The following KIRREL3 variants were observed in gnomAD, a reference collection of about 807,000 sequenced individuals.
KIRREL3 encodes kirre like nephrin family adhesion molecule 3.
In KIRREL3, 36 loss-of-function variants were observed where a neutral mutation model predicts 89.7. That is an observed-to-expected ratio of 0.40 (90% CI 0.31 to 0.53). The LOEUF is 0.53. KIRREL3 is among the 20% of genes least tolerant of loss of function. The pLI is 0.49. For missense variants in KIRREL3, 864 were observed against 1,056.6 expected (o/e 0.82, Z 2.53); for synonymous variants, 445 against 441.4 (o/e 1.01, Z -0.10).
In KIRREL3 at chr11:126,463,315, G is replaced by C. The variant is rs777318620; in HGVS notation, c.592-8C>G. 2.5e-6 allele frequency: 4 copies of C among 1,610,870 alleles called. No homozygotes were observed. On this transcript the variant is annotated splice_region_variant and splice_polypyrimidine_tract_variant and intron_variant, in intron 5 of 16. Coordinates refer to ENST00000525144, the MANE Select transcript of KIRREL3 (RefSeq NM_032531.4). This position sits in a 1 kb window ranked among gnomAD's most constrained non-coding sequence, Gnocchi z 5.9. ...GCCGTCCCGAAGCAGGGTCTTGGGAGAAAGGGAAAGGGGAGAGAAAGCTCC... is the reference window on the plus strand; with the variant it reads ...GCCGTCCCGAAGCAGGGTCTTGGGACAAAGGGAAAGGGGAGAGAAAGCTCC...
chr11:126,804,254 T>G (rs1056055369), intron 1 of KIRREL3, among the ~76,000 whole-genome samples: 1 of 152,214 alleles, frequency 6.6e-6, no homozygotes, highest in African/African-American at 2.4e-5. Flanking sequence ...GTGTGTGATT[T>G]CTCAACTTGC....
At position 126,830,318 on chromosome 11, in the gene KIRREL3, C is replaced by A. The variant is rs116665735; in HGVS notation, c.55+170137G>T. Among the ~76,000 whole-genome samples the A allele has an allele frequency of 6.6e-6, 1 of 152,320 alleles. No individual in the cohort carries two copies. The highest frequency in any genetic ancestry group is 2.4e-5 in the African/African-American group (1 of 41,566). ...ATATTTTGTTTGGGTTCCCACTTGC[C>A]ACTTTCCATCCTCCTGCTTCATAAG... On this transcript the variant is annotated intron_variant, in intron 1 of 16. Coordinates refer to ENST00000525144, the MANE Select transcript of KIRREL3 (RefSeq NM_032531.4). This position sits in a 1 kb window ranked among gnomAD's most constrained non-coding sequence, Gnocchi z 4.9.
At chr11:126,759,385 C>T (rs1949602564) in intron 1 of KIRREL3, among the ~76,000 whole-genome samples, 1 of 152,204 alleles carries the variant, frequency 6.6e-6, no homozygotes, top group African/African-American at 2.4e-5. Context: ...GCCTTAGCCT[C>T]CCAAAGTGCT....
In KIRREL3 at chr11:126,740,003, G is replaced by A. The variant is rs991421694; in HGVS notation, c.56-177091C>T. ...CACTCTGAATTTGTCATGACTCACT[G>A]GAGGGTAGGGTGTATGGAGGGAGGG... On this transcript the variant is annotated intron_variant, in intron 1 of 16. Transcript: ENST00000525144. This position sits in a 1 kb window ranked among gnomAD's most constrained non-coding sequence, Gnocchi z 6.0. 2.6e-5 allele frequency among the ~76,000 whole-genome samples: 4 copies of A among 152,114 alleles called. No homozygotes were observed. Among genetic ancestry groups the A allele is most frequent in the Admixed American group, 2.6e-4 (4 of 15,270 alleles).
rs1948822374 is a variant in KIRREL3, at chr11:126,736,975, T to C, written c.56-174063A>G. Among the ~76,000 whole-genome samples, 1 of 152,214 alleles carries C rather than the reference T, an allele frequency of 6.6e-6. No homozygotes were observed. Among genetic ancestry groups the C allele is most frequent in the South Asian group, 2.1e-4 (1 of 4,834 alleles). On this transcript the variant is annotated intron_variant, in intron 1 of 16. Transcript: ENST00000525144. This position sits in a 1 kb window ranked among gnomAD's most constrained non-coding sequence, Gnocchi z 5.0. Reference sequence around the variant, plus strand: ...CAATTGGTTACATCAGAAAACTTTATTCTCAGGGGCAGTGCCCTTATTTAG... The same window carrying C: ...CAATTGGTTACATCAGAAAACTTTACTCTCAGGGGCAGTGCCCTTATTTAG...
At chr11:126,727,550 C>T (rs1948439409) in intron 1 of KIRREL3, among the ~76,000 whole-genome samples, 1 of 152,222 alleles carries the variant, frequency 6.6e-6, no homozygotes, top group South Asian at 2.1e-4. Context: ...CTGTACCCTG[C>T]ACCCTGCCCA....
In KIRREL3 at chr11:126,570,840, C is replaced by CCAAATCT. The variant is rs1207145112; in HGVS notation, c.56-7935_56-7929dup. 5.3e-5 allele frequency among the ~76,000 whole-genome samples: 8 copies of CCAAATCT among 152,316 alleles called. No homozygotes were observed. The highest frequency in any genetic ancestry group is 1.7e-4 in the African/African-American group (7 of 41,568). ...TGTGGTCATCTATCCTTCGGCTTCT[C>CCAAATCT]CAAATCTCTGCTCACTGGCTTAAGT... On this transcript the variant is annotated intron_variant, in intron 1 of 16. Coordinates refer to ENST00000525144, the MANE Select transcript of KIRREL3 (RefSeq NM_032531.4). This position sits in a 1 kb window ranked among gnomAD's most constrained non-coding sequence, Gnocchi z 6.1.
intron 4 of KIRREL3, among the ~76,000 whole-genome samples, chr11:126,497,443 T>G (rs1237837613): frequency 6.6e-6 from 1 of 152,190 alleles, no homozygotes; most frequent in African/African-American, 2.4e-5. Context: ...TCCGGTAATT[T>G]GAGCATTTCC....
intron 6 of KIRREL3, among the ~76,000 whole-genome samples, chr11:126,457,183 T>TTGTG (rs1267466941): frequency 2.8e-5 from 2 of 70,664 alleles, no homozygotes; most frequent in Admixed American, 1.4e-4. Context: ...GGAAGAGAGA[T>TTGTG]TATGTGTGTG....
At chr11:126,733,748 T>C (rs538613741) in intron 1 of KIRREL3, among the ~76,000 whole-genome samples, 7 of 152,244 alleles carry the variant, frequency 4.6e-5, no homozygotes, top group African/African-American at 1.4e-4. Flanking sequence ...CCCTTAGCCC[T>C]TTTTTTCCCT....
chr11:126,927,228 GCA>G (rs35347795), intron 1 of KIRREL3, among the ~76,000 whole-genome samples: 5 of 151,468 alleles, frequency 3.3e-5, no homozygotes, highest in East Asian at 1.9e-4. Context: ...TGGGGAGTAA[GCA>G]CACACACACA....
intron 1 of KIRREL3, among the ~76,000 whole-genome samples, chr11:126,919,393 G>A (rs1344720625): frequency 2.6e-5 from 4 of 152,158 alleles, no homozygotes; most frequent in Admixed American, 2.0e-4. Flanking sequence ...AGCATGGTTG[G>A]CTCAACAAGC....
chr11:126,989,351 C>T lies in KIRREL3; in HGVS notation c.55+11104G>A, dbSNP rs149801052. On this transcript the variant is annotated intron_variant, in intron 1 of 16. Transcript: ENST00000525144. The surrounding 1 kb of genome is among the most constrained non-coding windows in gnomAD (Gnocchi z 6.2). Reference sequence around the variant, plus strand: ...ACTGTGGGGACGAAGGGGGCAGTGGCAGCTCACCCTGATGCAGAGAGAGCG... The same window carrying T: ...ACTGTGGGGACGAAGGGGGCAGTGGTAGCTCACCCTGATGCAGAGAGAGCG... 7.2e-5 allele frequency among the ~76,000 whole-genome samples: 11 copies of T among 152,310 alleles called. No individual in the cohort carries two copies. The East Asian group carries it at 2.1e-3, about 29-fold the overall frequency.
At position 126,565,135 on chromosome 11, in the gene KIRREL3, G is replaced by A. The variant is rs546759119; in HGVS notation, c.56-2223C>T. The stretch of plus-strand genomic sequence containing the variant: ...AGATACTGGATGGATTTAGGCCAAT[G>A]TTCCAGCTGGTCTTCTGGACTGTGA... On this transcript the variant is annotated intron_variant, in intron 1 of 16. Transcript: ENST00000525144. The surrounding 1 kb of genome is among the most constrained non-coding windows in gnomAD (Gnocchi z 5.4). Among the ~76,000 whole-genome samples, 4 of 152,244 alleles carry A rather than the reference G, an allele frequency of 2.6e-5. No homozygotes were observed. In the East Asian group the frequency reaches 5.8e-4, roughly 22 times the overall value.
chr11:126,965,891 C>T lies in KIRREL3; in HGVS notation c.55+34564G>A, dbSNP rs945497987. Among the ~76,000 whole-genome samples the T allele has an allele frequency of 1.3e-5, 2 of 152,134 alleles. No individual in the cohort carries two copies. Among genetic ancestry groups the T allele is most frequent in the Non-Finnish European group, 2.9e-5 (2 of 68,034 alleles). ...CTTTGAGGTTGTGCCATGTAATCCACAGGTAGGTACTTGAGTGGACTGGCC... is the reference window on the plus strand; with the variant it reads ...CTTTGAGGTTGTGCCATGTAATCCATAGGTAGGTACTTGAGTGGACTGGCC... On this transcript the variant is annotated intron_variant, in intron 1 of 16. Coordinates refer to ENST00000525144, the MANE Select transcript of KIRREL3 (RefSeq NM_032531.4). The surrounding 1 kb of genome is among the most constrained non-coding windows in gnomAD (Gnocchi z 4.4).
chr11:126,839,934 C>T (rs1203513347), intron 1 of KIRREL3, among the ~76,000 whole-genome samples: 1 of 152,182 alleles, frequency 6.6e-6, no homozygotes, highest in Non-Finnish European at 1.5e-5. Flanking sequence ...CTTCCTGCTG[C>T]ACTTCGTACA....
Position 126,656,058 on chromosome 11 carries a change from T to A in KIRREL3, c.56-93146A>T. On this transcript the variant is annotated intron_variant, in intron 1 of 16. Transcript: ENST00000525144. This position sits in a 1 kb window ranked among gnomAD's most constrained non-coding sequence, Gnocchi z 4.0. ...ATGGGAACCTGAGCCAGGAGAGTCC[T>A]GTGGATTCACTAGATTCTGGGACTA... is the stretch of plus-strand genomic sequence containing the variant. 5 of 443,382 alleles carry A rather than the reference T, an allele frequency of 1.1e-5. 1 individual carries two copies. The highest frequency in any genetic ancestry group is 8.0e-5 in the South Asian group (5 of 62,604). 27.5% of individuals were successfully genotyped at this position (443,382 alleles called of 1,614,324 possible). A position where few individuals can be genotyped will look rare whatever the true frequency, so the allele number is the denominator to read the frequency against.
At chr11:126,472,571 A>C (rs565470865) in intron 5 of KIRREL3, among the ~76,000 whole-genome samples, 1 of 152,130 alleles carries the variant, frequency 6.6e-6, no homozygotes, top group Admixed American at 6.5e-5. Context: ...GGGAGCCACA[A>C]ACATTCAGAC....
In KIRREL3 at chr11:126,895,256, A is replaced by T. The variant is rs370070321; in HGVS notation, c.55+105199T>A. 7.2e-5 allele frequency among the ~76,000 whole-genome samples: 11 copies of T among 151,928 alleles called. 1 individual carries two copies. In the East Asian group the frequency reaches 2.0e-3, roughly 27 times the overall value. On this transcript the variant is annotated intron_variant, in intron 1 of 16. Transcript: ENST00000525144. ...GATGGGAGGATCACTTGAGGTCAGGAGTTCAAGACCAGCCTGGGCAACATG... is the reference window on the plus strand; with the variant it reads ...GATGGGAGGATCACTTGAGGTCAGGTGTTCAAGACCAGCCTGGGCAACATG...
Sources: gnomAD v4.1 joint callset for allele counts (sites outside exome capture counted in the v4.1 genomes callset) on GRCh38, gnomAD v4.1.1 for gene constraint, Gnocchi (gnomAD v3.1) non-coding constraint, MANE v1.5 for transcripts, NCBI Gene and HGNC (gene_info 2026-07-23, HGNC 2026-07-21) for gene names.